Variants in PCED1B observed in about 807,000 individuals in gnomAD.
PCED1B encodes PC-esterase domain containing 1B, also known as PC-esterase domain-containing protein 1B.
For synonymous variants in PCED1B, 251 were observed against 246.1 expected (o/e 1.02, Z -0.19); for missense variants, 573 against 573.9 (o/e 1.00, Z 0.02).
At chr12:47,183,006 G>C (rs537244897) in intron 2 of PCED1B, among the ~76,000 whole-genome samples, 5 of 143,098 alleles carry the variant, frequency 3.5e-5, no homozygotes, top group Non-Finnish European at 6.2e-5. Flanking sequence ...ATGGCTTCAG[G>C]GGTCTCTCTT....
At chr12:47,233,138 T>C (rs7302364) in intron 3 of PCED1B, among the ~76,000 whole-genome samples, 18,197 of 152,060 alleles carry the variant, frequency 0.12, 1,645 homozygotes, top group African/African-American at 0.26. Context: ...ACTCCTGAGC[T>C]CAAGTGATCC....
At chr12:47,116,269 T>C (rs1381436431) in intron 2 of PCED1B, among the ~76,000 whole-genome samples, 1 of 151,906 alleles carries the variant, frequency 6.6e-6, no homozygotes, top group East Asian at 2.0e-4. Context: ...ATAAGCTCTG[T>C]CCTCACCAAT....
At chr12:47,099,160 A>C (rs1014350583) in intron 1 of PCED1B, among the ~76,000 whole-genome samples, 4 of 152,176 alleles carry the variant, frequency 2.6e-5, no homozygotes, top group Non-Finnish European at 4.4e-5. Flanking sequence ...TCAAATACTG[A>C]GTTTGCTGAC....
At chr12:47,195,708 C>T (rs192388936) in intron 2 of PCED1B, among the ~76,000 whole-genome samples, 123 of 152,320 alleles carry the variant, frequency 8.1e-4, no homozygotes, top group African/African-American at 2.8e-3. Context: ...TGAAGTGAGT[C>T]AGGAAGATCT....
chr12:47,139,022 G>T, intron 2 of PCED1B, among the ~76,000 whole-genome samples: 1 of 151,828 alleles, frequency 6.6e-6, no homozygotes, highest in Admixed American at 6.6e-5. Flanking sequence ...GTATTTATTT[G>T]CTTATTATCT....
intron 3 of PCED1B, among the ~76,000 whole-genome samples, chr12:47,227,944 G>A (rs1943683285): frequency 6.6e-6 from 1 of 152,098 alleles, no homozygotes; most frequent in South Asian, 2.1e-4. Context: ...AAGTGAACTG[G>A]TTAGGATATA....
chr12:47,151,691 C>A (rs1186882188), intron 2 of PCED1B, among the ~76,000 whole-genome samples: 1 of 152,120 alleles, frequency 6.6e-6, no homozygotes, highest in African/African-American at 2.4e-5. Flanking sequence ...AGTCTAAATT[C>A]GAATCTGAAG....
intron 2 of PCED1B, among the ~76,000 whole-genome samples, chr12:47,155,197 T>A (rs1224739816): frequency 1.3e-5 from 2 of 152,334 alleles, no homozygotes; most frequent in East Asian, 3.9e-4. Flanking sequence ...CCTTCTTTTA[T>A]TTGTTGGCTT....
At chr12:47,233,803 T>G (rs966929566) in intron 3 of PCED1B, among the ~76,000 whole-genome samples, 1 of 152,164 alleles carries the variant, frequency 6.6e-6, no homozygotes, top group Non-Finnish European at 1.5e-5. Context: ...ATAATCCTCA[T>G]GTTAAAGTGC....
rs762841883 is a variant in PCED1B, at chr12:47,235,581, C to T, written c.518C>T (p.Thr173Ile). The T allele has an allele frequency of 6.2e-7, 1 of 1,609,096 alleles. No homozygotes were observed. ...GCCATGCCTGTGGGCGAGGAAGTCA[C>T]CGGGGGTTTTCTTCCGCCCAAGCTC... ...NTAMPVGEEV[T>I]GGFLPPKLRR... Residue 173 changes from threonine (T) to isoleucine (I), a missense_variant, in exon 4 of 4, where the codon ACC becomes ATC. Transcript: ENST00000546455.
chr12:47,222,925 T>C (rs1441032614), intron 3 of PCED1B, among the ~76,000 whole-genome samples: 1 of 152,176 alleles, frequency 6.6e-6, no homozygotes, highest in Non-Finnish European at 1.5e-5. Context: ...TTTGGGGTGC[T>C]ACTAATCATT....
chr12:47,088,295 T>C (rs1288338661), intron 1 of PCED1B, among the ~76,000 whole-genome samples: 1 of 152,154 alleles, frequency 6.6e-6, no homozygotes, highest in Non-Finnish European at 1.5e-5. Flanking sequence ...CTCAACACAA[T>C]GATGTTTGTA....
chr12:47,206,069 C>T (rs1299633713), intron 2 of PCED1B: 1 of 152,178 alleles, frequency 6.6e-6, no homozygotes, highest in African/African-American at 2.4e-5. Context: ...TGAGTCAGTT[C>T]CTGGGTGGAG....
intron 1 of PCED1B, among the ~76,000 whole-genome samples, chr12:47,085,139 G>A (rs184177418): frequency 9.1e-4 from 139 of 152,312 alleles, no homozygotes; most frequent in Non-Finnish European, 1.7e-3. Flanking sequence ...GCAAGACTCC[G>A]TCTCAAAACA....
chr12:47,137,387 T>A (rs1005927482), intron 2 of PCED1B, among the ~76,000 whole-genome samples: 4 of 152,234 alleles, frequency 2.6e-5, no homozygotes, highest in African/African-American at 9.6e-5. Flanking sequence ...ATTTATCTGT[T>A]ATTGGAGACA....
intron 1 of PCED1B, among the ~76,000 whole-genome samples, chr12:47,099,198 A>C (rs1203663572): frequency 6.6e-6 from 1 of 152,262 alleles, no homozygotes; most frequent in Non-Finnish European, 1.5e-5. Flanking sequence ...AGAAGAGCAC[A>C]GCAGTGAGAA....
At chr12:47,092,629 A>G (rs1938315172) in intron 1 of PCED1B, among the ~76,000 whole-genome samples, 1 of 152,062 alleles carries the variant, frequency 6.6e-6, no homozygotes, top group Non-Finnish European at 1.5e-5. Flanking sequence ...ACATACTACC[A>G]TTGAGAATGA....
chr12:47,181,805 T>G (rs1189016581), intron 2 of PCED1B, among the ~76,000 whole-genome samples: 1 of 151,942 alleles, frequency 6.6e-6, no homozygotes, highest in Non-Finnish European at 1.5e-5. Flanking sequence ...TTTTTGTCAG[T>G]ACTAAACAGA....
intron 2 of PCED1B, among the ~76,000 whole-genome samples, chr12:47,152,263 C>A (rs984651305): frequency 6.6e-6 from 1 of 152,082 alleles, no homozygotes; most frequent in Non-Finnish European, 1.5e-5. Context: ...GGTGGAGAAA[C>A]CTGGCCAAGA....
Sources: allele counts gnomAD v4.1 joint callset (sites outside exome capture counted in the v4.1 genomes callset), GRCh38; gene constraint gnomAD v4.1.1; transcripts MANE v1.5; gene names NCBI Gene and HGNC (gene_info 2026-07-23, HGNC 2026-07-21).